CA5A: variants seen among roughly 807,000 people sequenced by gnomAD.
The protein encoded by CA5A is carbonic anhydrase 5A, mitochondrial.
In CA5A, 28 loss-of-function variants were observed where a neutral mutation model predicts 37.1. The observed-to-expected ratio is 0.75, with a 90% CI of 0.56 to 1.03. CA5A has a LOEUF of 1.03. Among genes scored for constraint, CA5A ranks in the 50% least tolerant of loss-of-function variants. The probability of loss-of-function intolerance (pLI) is 0.00; values close to 1 mark genes in which losing one functional copy is unlikely to be tolerated. For missense variants in CA5A, 444 were observed against 399.9 expected (o/e 1.11, Z -0.94); for synonymous variants, 171 against 158.4 (o/e 1.08, Z -0.60).
At chr16:87,909,977 A>G (rs2056026565) in intron 2 of CA5A, among the ~76,000 whole-genome samples, 1 of 152,146 alleles carries the variant, frequency 6.6e-6, no homozygotes, top group Admixed American at 6.6e-5. Flanking sequence ...CCCCATTTGT[A>G]AAGTGCGGAT....
At chr16:87,893,191 G>T in intron 5 of CA5A, 1 of 422,776 alleles carries the variant, frequency 2.4e-6, no homozygotes, top group Non-Finnish European at 4.2e-6. Context: ...GCAGTGGTGC[G>T]ATCTCAGCTC....
intron 1 of CA5A, among the ~76,000 whole-genome samples, chr16:87,933,756 A>C (rs931719145): frequency 1.3e-5 from 2 of 152,172 alleles, no homozygotes; most frequent in African/African-American, 4.8e-5. Flanking sequence ...GTGATTTTTC[A>C]ATAATTTTTA....
intron 3 of CA5A, among the ~76,000 whole-genome samples, chr16:87,903,259 C>T (rs1192367559): frequency 6.6e-5 from 10 of 152,000 alleles, no homozygotes; most frequent in African/African-American, 2.4e-4. Context: ...GGTGAAACCC[C>T]GTCCCTACTA....
intron 1 of CA5A, 49 bp downstream of exon 1, chr16:87,936,260 C>G (rs770187175): frequency 7.2e-7 from 1 of 1,381,268 alleles, no homozygotes; most frequent in South Asian, 1.2e-5. Flanking sequence ...ACCCCATCAG[C>G]TAAGACAAGG....
At chr16:87,910,712 G>T (rs1229201596) in intron 2 of CA5A, among the ~76,000 whole-genome samples, 5 of 151,908 alleles carry the variant, frequency 3.3e-5, no homozygotes, top group Admixed American at 6.6e-5. Flanking sequence ...TGAGTTGCTG[G>T]GACTACAGAC....
At chr16:87,934,821 G>A (rs1350005051) in intron 1 of CA5A, among the ~76,000 whole-genome samples, 6 of 152,142 alleles carry the variant, frequency 3.9e-5, no homozygotes, top group African/African-American at 1.2e-4. Flanking sequence ...TTAGTTGGGC[G>A]TGGTGGCACA....
In CA5A at chr16:87,891,785, C is replaced by T. The variant is rs1209020169; in HGVS notation, c.774+14G>A. The T allele has an allele frequency of 5.2e-5, 77 of 1,484,728 alleles. No individual in the cohort carries two copies. The East Asian group carries it at 1.1e-3, about 22-fold the overall frequency. 92.0% of individuals were successfully genotyped at this position (1,484,728 alleles called of 1,614,324 possible). On this transcript the variant is annotated intron_variant, in intron 6 of 6. Transcript: ENST00000649794. ...CCATGAAGCGCCATCGTGCCAGTTA[C>T]GGGCACGGCTCACCTGGCTTGGGGC...
intron 1 of CA5A, among the ~76,000 whole-genome samples, chr16:87,931,237 G>A (rs1403927695): frequency 1.3e-5 from 2 of 150,484 alleles, no homozygotes; most frequent in Non-Finnish European, 3.0e-5. Context: ...TCAGTCTCCC[G>A]AGTAGCTGGG....
exon 5 of CA5A, chr16:87,881,618 T>G (rs1464329216): frequency 6.6e-6 from 1 of 152,160 alleles, no homozygotes; most frequent in African/African-American, 2.4e-5. Context: ...CCTTGAACCT[T>G]AAAAGCTGGG....
chr16:87,897,120 G>A (rs1353848213), intron 5 of CA5A, among the ~76,000 whole-genome samples: 3 of 152,248 alleles, frequency 2.0e-5, no homozygotes, highest in Admixed American at 2.0e-4. Context: ...GGGCTCAGTA[G>A]GTGCTGCCGC....
intron 1 of CA5A, among the ~76,000 whole-genome samples, chr16:87,929,010 C>A (rs1218115897): frequency 1.3e-5 from 2 of 150,108 alleles, no homozygotes; most frequent in East Asian, 4.0e-4. Context: ...ACCTTGTGAT[C>A]CACCCGCCTC....
intron 1 of CA5A, among the ~76,000 whole-genome samples, chr16:87,927,847 ACT>A (rs1268574262): frequency 7.1e-6 from 1 of 140,636 alleles, no homozygotes; most frequent in Non-Finnish European, 1.5e-5. Flanking sequence ...GGGGACAGAG[ACT>A]CTGCCTCAAA....
At chr16:87,910,054 G>C (rs1052013767) in intron 2 of CA5A, among the ~76,000 whole-genome samples, 1 of 152,028 alleles carries the variant, frequency 6.6e-6, no homozygotes, top group African/African-American at 2.4e-5. Flanking sequence ...GAAGTCCTTA[G>C]CACAACGCTT....
intron 1 of CA5A, among the ~76,000 whole-genome samples, chr16:87,934,642 A>G (rs1429182064): frequency 6.6e-6 from 1 of 152,016 alleles, no homozygotes; most frequent in East Asian, 1.9e-4. Flanking sequence ...TAGGCAGGCT[A>G]GCGCTCTTGA....
At chr16:87,924,039 A>G (rs140623366) in intron 2 of CA5A, 1 of 985,326 alleles carries the variant, frequency 1.0e-6, no homozygotes, top group African/African-American at 1.7e-5. Flanking sequence ...ACAGACCAAC[A>G]AGGGGAGAAA....
At chr16:87,883,772 G>A (rs373094433), downstream of CA5A, 1 of 151,852 alleles carries the variant, frequency 6.6e-6, no homozygotes, top group African/African-American at 2.4e-5. Context: ...AAGTAGCTGG[G>A]ATTACAGGTG....
chr16:87,898,713 T>C (rs1359155827), intron 5 of CA5A, among the ~76,000 whole-genome samples: 1 of 150,610 alleles, frequency 6.6e-6, no homozygotes, highest in Non-Finnish European at 1.5e-5. Context: ...ATGGTGAGAA[T>C]GCTGCTCTAG....
At chr16:87,896,888 C>T (rs950978994) in intron 5 of CA5A, among the ~76,000 whole-genome samples, 2 of 152,256 alleles carry the variant, frequency 1.3e-5, no homozygotes, top group Non-Finnish European at 2.9e-5. Context: ...GATCCGCCCG[C>T]CTCAGCCTCC....
intron 5 of CA5A, among the ~76,000 whole-genome samples, chr16:87,892,553 AATAAATT>A (rs778343107): frequency 0.018 from 2,373 of 135,240 alleles, 30 homozygotes; most frequent in African/African-American, 0.038. Flanking sequence ...TAATAATAAT[AATAAATT>A]AATTAATAAT....
Sources: allele counts gnomAD v4.1 joint callset (sites outside exome capture counted in the v4.1 genomes callset), GRCh38; gene constraint gnomAD v4.1.1; transcripts MANE v1.5; gene names NCBI Gene and HGNC (gene_info 2026-07-23, HGNC 2026-07-21).